The following SNX29 variants were observed in gnomAD, a reference collection of about 807,000 sequenced individuals.
The protein encoded by SNX29 is sorting nexin 29.
In SNX29, 78 loss-of-function variants were observed where a neutral mutation model predicts 102.1. The ratio of observed to expected loss-of-function variants is 0.76; its 90% CI spans 0.64 to 0.92. The LOEUF (loss-of-function observed/expected upper bound fraction) is 0.92. Among genes scored for constraint, SNX29 ranks in the 40% least tolerant of loss-of-function variants. The probability of loss-of-function intolerance (pLI) is 0.00; values close to 1 mark genes in which losing one functional copy is unlikely to be tolerated. For synonymous variants in SNX29, 580 were observed against 414.5 expected (o/e 1.40, Z -4.85); for missense variants, 1,280 against 1,061.7 (o/e 1.21, Z -2.86).
rs944533422 is a variant in SNX29, at chr16:12,135,567, G to T, written c.1595+5809G>T. 3 of 1,332,224 alleles carry T rather than the reference G, an allele frequency of 2.3e-6. No individual in the cohort carries two copies. The Admixed American group carries it at 6.7e-5, about 30-fold the overall frequency. The allele number at this position is 1,332,224 out of a possible 1,614,324, so 82.5% of individuals were successfully genotyped here. A position where few individuals can be genotyped will look rare whatever the true frequency, so the allele number is the denominator to read the frequency against. On this transcript the variant is annotated intron_variant, in intron 13 of 20. Coordinates refer to ENST00000566228, the MANE Select transcript of SNX29 (RefSeq NM_032167.5). ...TGTTGGCAGCTATCTTTGCTATTTT[G>T]TGAGGAGATTCTAACCCCACGTGAG...
chr16:12,460,688 A>C (rs2086741653), intron 18 of SNX29, among the ~76,000 whole-genome samples: 1 of 140,744 alleles, frequency 7.1e-6, no homozygotes, highest in Non-Finnish European at 1.5e-5. Flanking sequence ...GACAGAGTCT[A>C]GCTCTGTTGC....
At chr16:12,391,184 G>T (rs913262736) in intron 16 of SNX29, among the ~76,000 whole-genome samples, 1 of 152,092 alleles carries the variant, frequency 6.6e-6, no homozygotes, top group Non-Finnish European at 1.5e-5. Flanking sequence ...GGGCCCAAGC[G>T]ATCCTCCTGC....
At chr16:12,563,075 A>G (rs188545827) in intron 20 of SNX29, among the ~76,000 whole-genome samples, 36 of 151,920 alleles carry the variant, frequency 2.4e-4, no homozygotes, top group African/African-American at 8.4e-4. Flanking sequence ...TGGAAGAGAA[A>G]TCCAGAATGT....
At chr16:12,431,570 A>G (rs2085318154) in intron 18 of SNX29, among the ~76,000 whole-genome samples, 2 of 151,898 alleles carry the variant, frequency 1.3e-5, no homozygotes, top group South Asian at 4.1e-4. Context: ...AAAGTGAAAT[A>G]AACTCATTCC....
intron 19 of SNX29, among the ~76,000 whole-genome samples, chr16:12,487,707 C>T (rs1182914768): frequency 2.6e-5 from 4 of 152,178 alleles, no homozygotes; most frequent in East Asian, 3.9e-4. Flanking sequence ...CACCTGTTCG[C>T]AGCAGAGATG....
chr16:12,195,636 G>A (rs1252892427), intron 13 of SNX29, among the ~76,000 whole-genome samples: 1 of 152,206 alleles, frequency 6.6e-6, no homozygotes. Context: ...ACCTGTGCTC[G>A]TTTTCTCACG....
At chr16:12,045,284 C>T (rs984076113) in intron 5 of SNX29, among the ~76,000 whole-genome samples, 2 of 152,172 alleles carry the variant, frequency 1.3e-5, no homozygotes, top group Non-Finnish European at 2.9e-5. Flanking sequence ...AACTACAGGT[C>T]ATGTATCCCT....
At chr16:11,984,480 T>C (rs908410260) in intron 1 of SNX29, among the ~76,000 whole-genome samples, 6 of 152,124 alleles carry the variant, frequency 3.9e-5, no homozygotes, top group African/African-American at 1.4e-4. Context: ...AGGACAAAAC[T>C]TTACCACATT....
intron 9 of SNX29, among the ~76,000 whole-genome samples, chr16:12,066,295 A>G (rs1206043075): frequency 2.6e-5 from 4 of 152,300 alleles, no homozygotes; most frequent in Non-Finnish European, 4.4e-5. Flanking sequence ...ACCACGGGGC[A>G]GTGGACACGA....
intron 3 of SNX29, among the ~76,000 whole-genome samples, chr16:12,012,419 T>A (rs953717195): frequency 2.0e-5 from 3 of 152,162 alleles, no homozygotes; most frequent in African/African-American, 7.2e-5. Context: ...GTTTATTTTT[T>A]ATTTTTGAGA....
intron 13 of SNX29, among the ~76,000 whole-genome samples, chr16:12,151,738 G>GT (rs1215863467): frequency 1.3e-5 from 2 of 152,006 alleles, no homozygotes; most frequent in African/African-American, 2.4e-5. Flanking sequence ...TTGTTTGTTT[G>GT]TTTGTTTTGT....
At chr16:12,492,366 T>C (rs1372866270) in intron 19 of SNX29, among the ~76,000 whole-genome samples, 1 of 152,224 alleles carries the variant, frequency 6.6e-6, no homozygotes, top group African/African-American at 2.4e-5. Flanking sequence ...CGCCCACTTT[T>C]TGATGGGGTT....
chr16:12,102,002 T>C (rs1040429037), intron 11 of SNX29, among the ~76,000 whole-genome samples: 1 of 152,034 alleles, frequency 6.6e-6, no homozygotes, highest in Non-Finnish European at 1.5e-5. Flanking sequence ...CACCTATGAG[T>C]GAGAACATGC....
chr16:12,065,850 A>G (rs1296760081), intron 9 of SNX29, among the ~76,000 whole-genome samples: 2 of 152,288 alleles, frequency 1.3e-5, no homozygotes, highest in Middle Eastern at 3.4e-3. Flanking sequence ...TGGACGGACC[A>G]GGGTTCAAAC....
At chr16:12,462,989 A>T (rs2086874785) in intron 18 of SNX29, among the ~76,000 whole-genome samples, 1 of 152,172 alleles carries the variant, frequency 6.6e-6, no homozygotes, top group South Asian at 2.1e-4. Context: ...TAGCTCCCAT[A>T]GCAGTGACTC....
In SNX29 at chr16:12,572,837, C is replaced by CT. The variant is rs2079216787; in HGVS notation, c.*4209dup. 5 of 1,063,966 alleles carry CT rather than the reference C, an allele frequency of 4.7e-6. No individual in the cohort carries two copies. The East Asian group carries it at 2.5e-4, about 53-fold the overall frequency. The allele number at this position is 1,063,966 out of a possible 1,614,324, so 65.9% of individuals were successfully genotyped here. A position where few individuals can be genotyped will look rare whatever the true frequency, so the allele number is the denominator to read the frequency against. ...TAGGAGGCATCCCAGAAGGGGCAGC[C>CT]TCATGCCCAGGTTTCAGCCCTAAAG... is the stretch of plus-strand genomic sequence containing the variant. On this transcript the variant is annotated 3_prime_UTR_variant, in exon 21 of 21. Transcript: ENST00000566228.
intron 5 of SNX29, among the ~76,000 whole-genome samples, chr16:12,044,240 A>G (rs1641833): frequency 0.7 from 105,804 of 152,106 alleles, 37,606 homozygotes; most frequent in African/African-American, 0.82. Flanking sequence ...GTAGTGTGGC[A>G]TGTTCCCTTG....
intron 18 of SNX29, among the ~76,000 whole-genome samples, chr16:12,444,842 G>GTT (rs34218008): frequency 0.048 from 6,354 of 132,434 alleles, 355 homozygotes; most frequent in African/African-American, 0.1. Context: ...GTTTTTTTTT[G>GTT]TTTTTTTTTT....
chr16:12,498,412 T>A (rs554430977), intron 19 of SNX29, among the ~76,000 whole-genome samples: 3 of 144,970 alleles, frequency 2.1e-5, no homozygotes, highest in East Asian at 4.5e-4. Context: ...AAAAAAAAAA[T>A]GCTTGCTTGG....
Sources: gnomAD v4.1 joint callset for allele counts (sites outside exome capture counted in the v4.1 genomes callset) on GRCh38, gnomAD v4.1.1 for gene constraint, MANE v1.5 for transcripts, NCBI Gene and HGNC (gene_info 2026-07-23, HGNC 2026-07-21) for gene names.